The following UNC79 variants were observed in gnomAD, a reference collection of about 807,000 sequenced individuals.
The protein encoded by UNC79 is unc-79 subunit of NALCN channel complex, also known as protein unc-79 homolog.
In UNC79, 37 loss-of-function variants were observed where a neutral mutation model predicts 283.1. The observed-to-expected ratio is 0.13, with a 90% CI of 0.10 to 0.17. UNC79 has a LOEUF of 0.17. Among genes scored for constraint, UNC79 ranks in the 10% least tolerant of loss-of-function variants. The probability of loss-of-function intolerance (pLI) is 1.00; values close to 1 mark genes in which losing one functional copy is unlikely to be tolerated. For missense variants in UNC79, 2,272 were observed against 3,211.1 expected, an observed-to-expected ratio of 0.71 and a Z score of 7.07; for synonymous variants, 1,107 against 1,200.2, an observed-to-expected ratio of 0.92 and a Z score of 1.61.
intron 1 of UNC79, among the ~76,000 whole-genome samples, chr14:93,418,480 C>T (rs891876655): frequency 2.0e-5 from 3 of 151,794 alleles, no homozygotes; most frequent in Admixed American, 2.0e-4. Context: ...GTCAGGGACC[C>T]ACTTGAGGAG....
chr14:93,494,079 A>T (rs1465160769), intron 5 of UNC79, among the ~76,000 whole-genome samples: 1 of 150,788 alleles, frequency 6.6e-6, no homozygotes, highest in East Asian at 2.0e-4. Context: ...AATTTTTTGT[A>T]TTTGTAGTAG....
At chr14:93,433,854 A>G (rs2055976055) in intron 1 of UNC79, among the ~76,000 whole-genome samples, 1 of 152,162 alleles carries the variant, frequency 6.6e-6, no homozygotes, top group African/African-American at 2.4e-5. Context: ...TATCACAGAG[A>G]TATGAAAAAT....
At chr14:93,379,531 T>G (rs2139985074) in intron 1 of UNC79, among the ~76,000 whole-genome samples, 1 of 152,290 alleles carries the variant, frequency 6.6e-6, no homozygotes, top group African/African-American at 2.4e-5. Flanking sequence ...TATTTCAGAC[T>G]TTAATAAACT....
chr14:93,364,805 T>G, intron 1 of UNC79, among the ~76,000 whole-genome samples: 1 of 151,550 alleles, frequency 6.6e-6, no homozygotes. Flanking sequence ...TTCCAGGTAG[T>G]TGCTACTGCC....
At chr14:93,371,098 G>C (rs1595397258) in intron 1 of UNC79, among the ~76,000 whole-genome samples, 1 of 138,292 alleles carries the variant, frequency 7.2e-6, no homozygotes, top group African/African-American at 3.4e-5. Flanking sequence ...CAACAAAACA[G>C]GGGTGGGTGC....
chr14:93,439,004 A>G (rs988267782), intron 1 of UNC79, among the ~76,000 whole-genome samples: 1 of 151,756 alleles, frequency 6.6e-6, no homozygotes, highest in African/African-American at 2.4e-5. Context: ...CATTTCTTCT[A>G]TTTTAAAATT....
At chr14:93,388,159 C>G (rs1169345386) in intron 1 of UNC79, among the ~76,000 whole-genome samples, 1 of 151,882 alleles carries the variant, frequency 6.6e-6, no homozygotes, top group Non-Finnish European at 1.5e-5. Context: ...TCACCCAGGC[C>G]AGAGTGCAAT....
intron 1 of UNC79, among the ~76,000 whole-genome samples, chr14:93,458,659 G>A (rs1381771849): frequency 2.0e-5 from 3 of 152,144 alleles, no homozygotes; most frequent in Non-Finnish European, 2.9e-5. Flanking sequence ...ACTTATTAGT[G>A]TAAATGATAT....
intron 27 of UNC79, 122 bp downstream of exon 28, chr14:93,613,205 G>T (rs1404890344): frequency 1.3e-5 from 17 of 1,290,410 alleles, no homozygotes; most frequent in Non-Finnish European, 3.2e-6. Flanking sequence ...TTGGTATTAT[G>T]CAGGAGTATG....
At chr14:93,333,374 G>A (rs2053498470) in exon 1 of UNC79, 1 of 398,482 alleles carries the variant, frequency 2.5e-6, no homozygotes, top group Non-Finnish European at 4.4e-6. Flanking sequence ...CCATTTCCAC[G>A]AATTCATGTT....
intron 4 of UNC79, among the ~76,000 whole-genome samples, chr14:93,486,538 C>T (rs926424374): frequency 4.0e-5 from 6 of 151,572 alleles, no homozygotes; most frequent in African/African-American, 1.5e-4. Flanking sequence ...CCTGTAATCC[C>T]AGCTACTCGG....
intron 7 of UNC79, among the ~76,000 whole-genome samples, chr14:93,512,590 T>C (rs2059878457): frequency 6.6e-6 from 1 of 152,158 alleles, no homozygotes; most frequent in Non-Finnish European, 1.5e-5. Flanking sequence ...TGCATTAGTT[T>C]GGATTTGTAT....
Position 93,617,499 on chromosome 14 carries a change from T to C in UNC79, c.4224+195T>C, listed in dbSNP as rs149174474. Among the ~76,000 whole-genome samples, 936 of 152,296 alleles carry C rather than the reference T, an allele frequency of 6.1e-3. 7 individuals carry two copies. The highest frequency in any genetic ancestry group is 0.041 in the Middle Eastern group (12 of 294). ...ATAGAAATGGGAGGCCCTGTTAATA[T>C]ATGCTCTAAAAATGTTTAAAACAAA... On this transcript the variant is annotated intron_variant, in intron 28 of 48. Transcript: ENST00000555664. The surrounding 1 kb of genome is among the most constrained non-coding windows in gnomAD (Gnocchi z 4.5).
chr14:93,704,512 T>C, intron 47 of UNC79, 113 bp from the exon 51 acceptor site: 1 of 1,233,462 alleles, frequency 8.1e-7, no homozygotes, highest in Non-Finnish European at 1.2e-6. Flanking sequence ...AGGGCCCACA[T>C]CCGTGCGCGA....
At chr14:93,355,062 C>G (rs970668798) in intron 1 of UNC79, among the ~76,000 whole-genome samples, 65 of 150,212 alleles carry the variant, frequency 4.3e-4, no homozygotes, top group African/African-American at 1.6e-3. Flanking sequence ...GAGTTTCGCT[C>G]TTATCACCCA....
chr14:93,459,136 T>C (rs2056872858), intron 1 of UNC79, among the ~76,000 whole-genome samples: 1 of 152,064 alleles, frequency 6.6e-6, no homozygotes, highest in Non-Finnish European at 1.5e-5. Context: ...AGATTACAGG[T>C]GGGTGCCACC....
chr14:93,690,309 T>A lies in UNC79; in HGVS notation c.7272+6T>A, dbSNP rs2074583260. The A allele has an allele frequency of 6.2e-7, 1 of 1,612,558 alleles. No homozygotes were observed. The highest frequency in any genetic ancestry group is 2.2e-5 in the East Asian group (1 of 44,866). On this transcript the variant is annotated splice_donor_region_variant and intron_variant, in intron 45 of 48. Transcript: ENST00000555664. This position sits in a 1 kb window ranked among gnomAD's most constrained non-coding sequence, Gnocchi z 4.3. ...GATTTCCAGAGCAATCAAAGGTAAG[T>A]GATTTCTGCAAGATTAAGACCGTAT...
chr14:93,333,709 C>T (rs2053508447), intron 1 of UNC79, among the ~76,000 whole-genome samples: 1 of 152,178 alleles, frequency 6.6e-6, no homozygotes, highest in Non-Finnish European at 1.5e-5. Flanking sequence ...CTAGATGCCC[C>T]TTGTTTGGGG....
At chr14:93,679,844 C>T (rs908329744) in intron 41 of UNC79, among the ~76,000 whole-genome samples, 3 of 152,180 alleles carry the variant, frequency 2.0e-5, no homozygotes, top group Non-Finnish European at 2.9e-5. Flanking sequence ...ACTCTTCCTT[C>T]GACAGCGATC....
Sources: gnomAD v4.1 joint callset for allele counts (sites outside exome capture counted in the v4.1 genomes callset) on GRCh38, gnomAD v4.1.1 for gene constraint, Gnocchi (gnomAD v3.1) non-coding constraint, MANE v1.5 for transcripts, NCBI Gene and HGNC (gene_info 2026-07-23, HGNC 2026-07-21) for gene names.